The following LIMS1 variants were observed in gnomAD, a reference collection of about 807,000 sequenced individuals.
The protein encoded by LIMS1 is LIM and senescent cell antigen-like-containing domain protein 1.
In LIMS1, 18 loss-of-function variants were observed where a neutral mutation model predicts 44.1. The ratio of observed to expected loss-of-function variants is 0.41; its 90% CI spans 0.28 to 0.61. The LOEUF (loss-of-function observed/expected upper bound fraction) is 0.61, where lower values mean the gene tolerates loss of function less well. Among genes scored for constraint, LIMS1 ranks in the 20% least tolerant of loss-of-function variants. The pLI is 0.32. For missense variants in LIMS1, 201 were observed against 422.0 expected (o/e 0.48, Z 4.59); for synonymous variants, 93 against 149.1 (o/e 0.62, Z 2.74).
intron 1 of LIMS1, among the ~76,000 whole-genome samples, chr2:108,626,699 C>A (rs761233600): frequency 4.6e-5 from 7 of 152,198 alleles, no homozygotes; most frequent in Non-Finnish European, 7.3e-5. Flanking sequence ...AGATTAAACT[C>A]TTTACACTCT....
intron 1 of LIMS1, among the ~76,000 whole-genome samples, chr2:108,594,351 C>G (rs563452947): frequency 9.9e-5 from 15 of 152,198 alleles, no homozygotes; most frequent in Non-Finnish European, 2.1e-4. Flanking sequence ...AATGCACCCA[C>G]AGAAAGGGAA....
At chr2:108,657,690 G>A (rs1280477773) in intron 1 of LIMS1, among the ~76,000 whole-genome samples, 1 of 152,298 alleles carries the variant, frequency 6.6e-6, no homozygotes, top group Non-Finnish European at 1.5e-5. Flanking sequence ...ATGAGGCTTG[G>A]GCCAGGTTTA....
At chr2:108,601,825 T>A (rs1687033842) in intron 1 of LIMS1, among the ~76,000 whole-genome samples, 1 of 152,232 alleles carries the variant, frequency 6.6e-6, no homozygotes, top group Non-Finnish European at 1.5e-5. Context: ...CCTAGAATTG[T>A]TTATTCTATT....
intron 1 of LIMS1, chr2:108,621,584 TA>T: frequency 1.4e-6 from 1 of 716,964 alleles, no homozygotes; most frequent in Non-Finnish European, 2.5e-6. Flanking sequence ...TCTTAGTCTG[TA>T]ATTAAAAACT....
chr2:108,678,017 A>T, exon 8 of LIMS1: 1 of 1,605,128 alleles, frequency 6.2e-7, no homozygotes, highest in South Asian at 1.1e-5. Context: ...ATCGTGTTAT[A>T]GAAGGTGATG....
intron 1 of LIMS1, among the ~76,000 whole-genome samples, chr2:108,594,251 T>C (rs2104695537): frequency 6.6e-6 from 1 of 152,140 alleles, no homozygotes; most frequent in East Asian, 1.9e-4. Context: ...GTGAATTCTG[T>C]GGAAGTGATT....
At chr2:108,544,597 C>T (rs539523872) in intron 1 of LIMS1, among the ~76,000 whole-genome samples, 78 of 152,174 alleles carry the variant, frequency 5.1e-4, no homozygotes, top group South Asian at 1.5e-3. Context: ...TGGGTTCAAG[C>T]GATTCTCCTG....
chr2:108,636,213 C>T (rs1404229657), intron 1 of LIMS1, among the ~76,000 whole-genome samples: 4 of 152,210 alleles, frequency 2.6e-5, no homozygotes, highest in African/African-American at 2.4e-5. Context: ...GCAGAAAAGT[C>T]GCTGGCACAG....
intron 1 of LIMS1, among the ~76,000 whole-genome samples, chr2:108,549,505 G>C (rs757599051): frequency 1.4e-4 from 21 of 151,800 alleles, no homozygotes; most frequent in Non-Finnish European, 2.6e-4. Context: ...ATGTTGGCCA[G>C]GATGGTAAGT....
At chr2:108,683,844 T>G in intron 9 of LIMS1, 41 bp from the exon 10 acceptor site, 1 of 1,104,676 alleles carries the variant, frequency 9.1e-7, no homozygotes, top group Non-Finnish European at 1.3e-6. Flanking sequence ...GTTGAATATG[T>G]TTCCACTAAC....
chr2:108,611,196 C>G (rs1485735207), intron 1 of LIMS1, among the ~76,000 whole-genome samples: 1 of 152,204 alleles, frequency 6.6e-6, no homozygotes, highest in Admixed American at 6.5e-5. Context: ...GTTACACTTT[C>G]TATGTCTTGT....
chr2:108,627,073 A>G (rs1688617992), intron 1 of LIMS1, among the ~76,000 whole-genome samples: 1 of 152,202 alleles, frequency 6.6e-6, no homozygotes, highest in Admixed American at 6.5e-5. Context: ...GTTGTGTTAC[A>G]GTTGCCTACA....
chr2:108,624,676 G>T lies in LIMS1; in HGVS notation c.33-34929G>T, dbSNP rs558765126. ...GGAGGCTGAGGCAGGAGAATCGTTT[G>T]AACCCAGGAGACAGAGGTTGCAGTG... is the stretch of plus-strand genomic sequence containing the variant. On this transcript the variant is annotated intron_variant, in intron 1 of 9. Transcript: ENST00000544547. Among the ~76,000 whole-genome samples, 23 of 152,330 alleles carry T rather than the reference G, an allele frequency of 1.5e-4. No homozygotes were observed. The East Asian group carries it at 4.4e-3, about 29-fold the overall frequency.
At chr2:108,563,759 C>G (rs758802501) in intron 1 of LIMS1, among the ~76,000 whole-genome samples, 1 of 152,092 alleles carries the variant, frequency 6.6e-6, no homozygotes, top group Non-Finnish European at 1.5e-5. Context: ...GAATTGACTT[C>G]AATTTCGAAT....
At chr2:108,682,584 C>A (rs987847890) in intron 9 of LIMS1, among the ~76,000 whole-genome samples, 6 of 152,008 alleles carry the variant, frequency 3.9e-5, no homozygotes, top group Non-Finnish European at 1.5e-5. Flanking sequence ...TTTCTTTTAT[C>A]AAAAAAATGG....
At chr2:108,545,926 T>C (rs991986674) in intron 1 of LIMS1, among the ~76,000 whole-genome samples, 2 of 152,236 alleles carry the variant, frequency 1.3e-5, no homozygotes, top group African/African-American at 2.4e-5. Flanking sequence ...CTAATTGTTA[T>C]TGAAGACATT....
At chr2:108,612,027 T>C (rs200521949) in intron 1 of LIMS1, among the ~76,000 whole-genome samples, 2 of 57,702 alleles carry the variant, frequency 3.5e-5, no homozygotes, top group Admixed American at 4.6e-4. Flanking sequence ...TACACACACA[T>C]ATACACACAC....
intron 1 of LIMS1, among the ~76,000 whole-genome samples, chr2:108,540,967 A>G (rs1558779383): frequency 6.6e-6 from 1 of 152,238 alleles, no homozygotes; most frequent in East Asian, 1.9e-4. Flanking sequence ...CAAGACCTAT[A>G]GCTGAGCCCA....
chr2:108,611,969 CAT>C (rs199788219), intron 1 of LIMS1, among the ~76,000 whole-genome samples: 10 of 137,360 alleles, frequency 7.3e-5, no homozygotes, highest in African/African-American at 1.6e-4. Context: ...TATATATACA[CAT>C]ATATAAAATA....
Sources: allele counts gnomAD v4.1 joint callset (sites outside exome capture counted in the v4.1 genomes callset), GRCh38; gene constraint gnomAD v4.1.1; transcripts MANE v1.5; gene names NCBI Gene and HGNC (gene_info 2026-07-23, HGNC 2026-07-21).